The following MYLK3 variants were observed in gnomAD, a reference collection of about 807,000 sequenced individuals.
The protein encoded by MYLK3 is myosin light chain kinase 3, also known as MLC kinase.
Under a neutral mutation model 76.3 loss-of-function variants are expected in MYLK3, and 55 were observed. The observed-to-expected ratio is 0.72, with a 90% confidence interval of 0.58 to 0.90. The LOEUF (loss-of-function observed/expected upper bound fraction) is 0.90. MYLK3 is among the 40% of genes least tolerant of loss of function. The pLI is 0.00. For missense variants in MYLK3, 973 were observed against 1,053.6 expected, an observed-to-expected ratio of 0.92 and a Z score of 1.06; for synonymous variants, 416 against 425.4, an observed-to-expected ratio of 0.98 and a Z score of 0.27.
intron 9 of MYLK3, among the ~76,000 whole-genome samples, chr16:46,713,057 A>G (rs1193799008): frequency 6.6e-6 from 1 of 152,140 alleles, no homozygotes; most frequent in Non-Finnish European, 1.5e-5. Context: ...GAAATTAGGA[A>G]GGGGTTAGGG....
chr16:46,720,118 T>G (rs912401408), intron 9 of MYLK3, among the ~76,000 whole-genome samples: 1 of 152,268 alleles, frequency 6.6e-6, no homozygotes, highest in South Asian at 2.1e-4. Context: ...GCAGAGGTTG[T>G]AGTGAACAGA....
chr16:46,740,088 C>T lies in MYLK3; in HGVS notation c.537G>A (p.Gly179=), dbSNP rs566696873. 6 of 1,613,350 alleles carry T rather than the reference C, an allele frequency of 3.7e-6. No homozygotes were observed. The South Asian group carries it at 4.4e-5, about 12-fold the overall frequency. Residue 179 remains glycine (G), a synonymous_variant, in exon 2 of 13, where the codon GGG becomes GGA. Coordinates refer to ENST00000394809, the MANE Select transcript of MYLK3 (RefSeq NM_182493.3). ...CAGGCTCCCTGGCATCAGACTGCAC[C>T]CCACTGGTGCTCAGCACATGCTTTG... The part of the protein sequence containing the change: ...GKPKHVLSTS[G]VQSDAREPGE...
chr16:46,745,977 A>G (rs1967014639), intron 1 of MYLK3, among the ~76,000 whole-genome samples: 1 of 151,874 alleles, frequency 6.6e-6, no homozygotes, highest in South Asian at 2.1e-4. Context: ...TATGCTCTTT[A>G]CTCTACATGA....
chr16:46,710,260 T>C (rs1339351866), intron 11 of MYLK3, among the ~76,000 whole-genome samples: 1 of 152,218 alleles, frequency 6.6e-6, no homozygotes, highest in East Asian at 1.9e-4. Flanking sequence ...ATGACTTTGA[T>C]ATAGACGCTG....
intron 5 of MYLK3, 21 bp from the exon 6 acceptor site, chr16:46,729,708 G>C: frequency 6.2e-7 from 1 of 1,607,404 alleles, no homozygotes. Flanking sequence ...ATAGCCACAC[G>C]GCAGGCTGAG....
chr16:46,758,876 G>C (rs1967240487), intron 1 of MYLK3, among the ~76,000 whole-genome samples: 1 of 152,188 alleles, frequency 6.6e-6, no homozygotes, highest in Admixed American at 6.5e-5. Flanking sequence ...TGAGAAGATG[G>C]GGAGAGGGCC....
rs530918844 is a variant in MYLK3 at position 46,737,806 on chromosome 16, C to T, written c.906G>A (p.Thr302=). 9.3e-6 allele frequency: 15 copies of T among 1,612,712 alleles called. No homozygotes were observed. The highest frequency in any genetic ancestry group is 2.7e-5 in the African/African-American group (2 of 74,910). The change falls in exon 3 of 13, where the codon ACG becomes ACA. Residue 302 remains threonine (T), a synonymous_variant. Transcript: ENST00000394809. ...RPDPEPLEEG[T]RLTPGPGPQC... is the part of the protein sequence containing the mutation. ...GAGGGCCAGGCCCTGGAGTCAGCCTCGTGCCTTCCTCTAAGGGCTCAGGGT... is the reference window on the plus strand; with the variant it reads ...GAGGGCCAGGCCCTGGAGTCAGCCTTGTGCCTTCCTCTAAGGGCTCAGGGT...
intron 1 of MYLK3, among the ~76,000 whole-genome samples, chr16:46,742,184 A>T (rs1379165461): frequency 1.3e-5 from 2 of 152,032 alleles, no homozygotes; most frequent in Non-Finnish European, 2.9e-5. Flanking sequence ...AAATTATACC[A>T]TCATAATTAT....
At chr16:46,709,443 G>A (rs79883892) in intron 12 of MYLK3, 96 bp downstream of exon 12, 108 of 1,159,578 alleles carry the variant, frequency 9.3e-5, no homozygotes, top group African/African-American at 4.9e-4. Flanking sequence ...CCAAAAAGAA[G>A]AAAAAAAAAA....
At chr16:46,724,311 A>G (rs1294254387) in intron 8 of MYLK3, among the ~76,000 whole-genome samples, 1 of 152,000 alleles carries the variant, frequency 6.6e-6, no homozygotes, top group East Asian at 1.9e-4. Flanking sequence ...ATTTTGATGA[A>G]GTCTAATTTA....
At position 46,721,196 on chromosome 16, in the gene MYLK3, G is replaced by A. The variant is rs752505972; in HGVS notation, c.1915-3C>T. The A allele has an allele frequency of 6.2e-7, 1 of 1,614,110 alleles. No homozygotes were observed. Among genetic ancestry groups the A allele is most frequent in the Non-Finnish European group, 8.5e-7 (1 of 1,179,956 alleles). ...TTGACGCACAATATGTTCTCCGGCT[G>A]GGAAAGAAAGAAGTCTGCTTAGCCC... On this transcript the variant is annotated splice_region_variant and splice_polypyrimidine_tract_variant and intron_variant, in intron 8 of 12. Coordinates refer to ENST00000394809, the MANE Select transcript of MYLK3 (RefSeq NM_182493.3).
chr16:46,751,781 G>A (rs545066266), upstream of MYLK3, among the ~76,000 whole-genome samples: 1 of 152,304 alleles, frequency 6.6e-6, no homozygotes, highest in Admixed American at 6.5e-5. Flanking sequence ...CAGTTCCTGG[G>A]GCCTCTGTGG....
At chr16:46,732,078 T>TC in intron 4 of MYLK3, 130 bp downstream of exon 4, 1 of 774,316 alleles carries the variant, frequency 1.3e-6, no homozygotes, top group Non-Finnish European at 2.0e-6. Flanking sequence ...CTGGAGATGT[T>TC]CCCGACTCTT....
chr16:46,753,691 G>A (rs897593181), intron 1 of MYLK3, among the ~76,000 whole-genome samples: 8 of 152,114 alleles, frequency 5.3e-5, no homozygotes, highest in Admixed American at 1.3e-4. Flanking sequence ...TGGGGGGCTC[G>A]ATTGAGCACA....
intron 1 of MYLK3, among the ~76,000 whole-genome samples, chr16:46,741,577 C>T (rs1205377784): frequency 6.6e-6 from 1 of 152,224 alleles, no homozygotes; most frequent in Non-Finnish European, 1.5e-5. Context: ...AGCCCAGAGC[C>T]TTGCTGGGCC....
At chr16:46,741,514 G>A (rs556102968) in intron 1 of MYLK3, among the ~76,000 whole-genome samples, 3 of 152,202 alleles carry the variant, frequency 2.0e-5, no homozygotes, top group Non-Finnish European at 4.4e-5. Flanking sequence ...GGACCCTTCC[G>A]TGAAGTCCCT....
At chr16:46,713,199 C>CA (rs554837567) in intron 9 of MYLK3, among the ~76,000 whole-genome samples, 1 of 137,842 alleles carries the variant, frequency 7.3e-6, no homozygotes, top group East Asian at 2.1e-4. Flanking sequence ...TATATGATGC[C>CA]TTTTTTTTTT....
intron 3 of MYLK3, among the ~76,000 whole-genome samples, chr16:46,737,442 A>G (rs1014328198): frequency 6.6e-5 from 10 of 152,324 alleles, no homozygotes; most frequent in Middle Eastern, 6.8e-3. Context: ...GTAAAAAAGA[A>G]AAATCTAATT....
chr16:46,716,365 A>C (rs138745118), intron 9 of MYLK3, among the ~76,000 whole-genome samples: 1 of 151,960 alleles, frequency 6.6e-6, no homozygotes, highest in African/African-American at 2.4e-5. Flanking sequence ...GCCCGCATAT[A>C]TATATATGTA....
Sources: allele counts gnomAD v4.1 joint callset (sites outside exome capture counted in the v4.1 genomes callset), GRCh38; gene constraint gnomAD v4.1.1; transcripts MANE v1.5; gene names NCBI Gene and HGNC (gene_info 2026-07-23, HGNC 2026-07-21).